The following UBE2E2 variants were observed in gnomAD, a reference collection of about 807,000 sequenced individuals.
UBE2E2 encodes ubiquitin conjugating enzyme E2 E2.
Under a neutral mutation model 24.7 loss-of-function variants are expected in UBE2E2, and 6 were observed. The observed-to-expected ratio is 0.24, with a 90% CI of 0.13 to 0.48. The LOEUF (loss-of-function observed/expected upper bound fraction) is 0.48. Among genes scored for constraint, UBE2E2 ranks in the 20% least tolerant of loss-of-function variants. The pLI, the probability that UBE2E2 is intolerant of heterozygous loss-of-function variation, is 0.99. For missense variants in UBE2E2, 169 were observed against 245.0 expected (o/e 0.69, Z 2.07); for synonymous variants, 104 against 83.6 (o/e 1.24, Z -1.33).
At chr3:23,442,049 G>C (rs1034191036) in intron 3 of UBE2E2, among the ~76,000 whole-genome samples, 1 of 152,050 alleles carries the variant, frequency 6.6e-6, no homozygotes, top group Non-Finnish European at 1.5e-5. Flanking sequence ...ATTGTTGATT[G>C]TAACTTTGGA....
At chr3:23,549,750 C>G (rs2125497791) in intron 5 of UBE2E2, among the ~76,000 whole-genome samples, 1 of 152,096 alleles carries the variant, frequency 6.6e-6, no homozygotes, top group Admixed American at 6.5e-5. Context: ...AAAGGAATTT[C>G]AACCGGGCGC....
At chr3:23,578,536 C>T (rs891429203) in intron 5 of UBE2E2, among the ~76,000 whole-genome samples, 4 of 152,200 alleles carry the variant, frequency 2.6e-5, no homozygotes, top group Admixed American at 6.5e-5. Flanking sequence ...CCCAAATGCT[C>T]ATCAATTATA....
chr3:23,509,401 A>G (rs895802243), intron 4 of UBE2E2, among the ~76,000 whole-genome samples: 2 of 152,154 alleles, frequency 1.3e-5, no homozygotes, highest in Non-Finnish European at 2.9e-5. Flanking sequence ...GAAAAAAAGT[A>G]TAATATTCTC....
At chr3:23,504,821 G>C (rs1230135651) in intron 4 of UBE2E2, among the ~76,000 whole-genome samples, 1 of 151,486 alleles carries the variant, frequency 6.6e-6, no homozygotes, top group African/African-American at 2.4e-5. Flanking sequence ...GAAACTAATG[G>C]AATATATTAT....
intron 3 of UBE2E2, among the ~76,000 whole-genome samples, chr3:23,402,205 G>A (rs1443714053): frequency 1.3e-5 from 2 of 152,044 alleles, no homozygotes; most frequent in Non-Finnish European, 2.9e-5. Flanking sequence ...AAATCCCTTA[G>A]TTGATAAGTT....
intron 3 of UBE2E2, among the ~76,000 whole-genome samples, chr3:23,259,069 T>C (rs946874929): frequency 6.6e-6 from 1 of 152,150 alleles, no homozygotes; most frequent in Non-Finnish European, 1.5e-5. Context: ...TGAATTCTTT[T>C]AAAATTGAAC....
At chr3:23,526,921 C>T (rs984375037) in intron 4 of UBE2E2, among the ~76,000 whole-genome samples, 2 of 152,118 alleles carry the variant, frequency 1.3e-5, no homozygotes, top group African/African-American at 2.4e-5. Flanking sequence ...TATTTTTCAT[C>T]CAGTTATACT....
rs552262505 is a variant in UBE2E2 at position 23,297,530 on chromosome 3, G to C, written c.227+80218G>C. On this transcript the variant is annotated intron_variant, in intron 3 of 5. Transcript: ENST00000396703. ...TGCAGTTTCAGCTTTCTACCTATGG[G>C]TAGCCAGTTTTCCCAGCACCATTTA... Among the ~76,000 whole-genome samples the C allele has an allele frequency of 1.7e-4, 26 of 152,246 alleles. No homozygotes were observed. In the East Asian group the frequency reaches 2.1e-3, roughly 12 times the overall value.
chr3:23,384,928 TTTC>T (rs1559368532), intron 3 of UBE2E2, among the ~76,000 whole-genome samples: 2 of 152,070 alleles, frequency 1.3e-5, no homozygotes, highest in Admixed American at 6.6e-5. Context: ...ATGAAAAATA[TTTC>T]TTCTTTTTTT....
chr3:23,450,314 A>G (rs1575638156), intron 3 of UBE2E2, among the ~76,000 whole-genome samples: 1 of 152,184 alleles, frequency 6.6e-6, no homozygotes, highest in Non-Finnish European at 1.5e-5. Context: ...ACATTGTAAC[A>G]CTAACCTCAT....
At chr3:23,247,039 G>C (rs1697431150) in intron 3 of UBE2E2, among the ~76,000 whole-genome samples, 1 of 151,774 alleles carries the variant, frequency 6.6e-6, no homozygotes, top group South Asian at 2.1e-4. Context: ...TTTTATTGTA[G>C]AGACAGAGTC....
chr3:23,468,393 T>G (rs1339128170), intron 3 of UBE2E2, among the ~76,000 whole-genome samples: 1 of 152,240 alleles, frequency 6.6e-6, no homozygotes, highest in Non-Finnish European at 1.5e-5. Flanking sequence ...TATCTACAAT[T>G]GCTTGGCATA....
intron 3 of UBE2E2, among the ~76,000 whole-genome samples, chr3:23,495,978 C>A (rs1009297939): frequency 1.3e-4 from 20 of 152,324 alleles, no homozygotes; most frequent in Non-Finnish European, 2.6e-4. Context: ...CATTTCCTAT[C>A]TCTACATCTG....
chr3:23,574,453 T>C (rs1217115781), intron 5 of UBE2E2, among the ~76,000 whole-genome samples: 2 of 152,226 alleles, frequency 1.3e-5, no homozygotes, highest in Non-Finnish European at 2.9e-5. Context: ...GTGATTGTTA[T>C]ACATTGCATT....
chr3:23,408,722 G>C (rs765423279), intron 3 of UBE2E2, among the ~76,000 whole-genome samples: 2 of 152,260 alleles, frequency 1.3e-5, no homozygotes, highest in East Asian at 1.9e-4. Context: ...CTATCCATAA[G>C]TGTCACGATT....
intron 3 of UBE2E2, among the ~76,000 whole-genome samples, chr3:23,444,073 T>G (rs1698369966): frequency 6.6e-6 from 1 of 151,658 alleles, no homozygotes; most frequent in African/African-American, 2.4e-5. Context: ...TTGTTTTTTT[T>G]TTTTTTTTTG....
At chr3:23,387,024 A>G (rs1247205328) in intron 3 of UBE2E2, among the ~76,000 whole-genome samples, 2 of 152,214 alleles carry the variant, frequency 1.3e-5, no homozygotes, top group African/African-American at 4.8e-5. Context: ...AAGTACCTAT[A>G]AAGGATTATG....
At chr3:23,433,486 A>G (rs2125402443) in intron 3 of UBE2E2, among the ~76,000 whole-genome samples, 1 of 152,132 alleles carries the variant, frequency 6.6e-6, no homozygotes, top group South Asian at 2.1e-4. Flanking sequence ...ATTTTTGAGC[A>G]TGGTTGGCAC....
intron 3 of UBE2E2, among the ~76,000 whole-genome samples, chr3:23,416,433 T>C (rs1327593588): frequency 6.6e-6 from 1 of 152,240 alleles, no homozygotes; most frequent in Non-Finnish European, 1.5e-5. Context: ...GTTAGTCTGA[T>C]GGGCTTCCCT....
Sources: allele counts gnomAD v4.1 joint callset (sites outside exome capture counted in the v4.1 genomes callset), GRCh38; gene constraint gnomAD v4.1.1; transcripts MANE v1.5; gene names NCBI Gene and HGNC (gene_info 2026-07-23, HGNC 2026-07-21).